Variants in CCDC171 observed in about 807,000 individuals in gnomAD.
The protein encoded by CCDC171 is coiled-coil domain containing 171, also known as coiled-coil domain-containing protein 171.
Under a neutral mutation model 168.2 loss-of-function variants are expected in CCDC171, and 177 were observed. That is an observed-to-expected ratio of 1.05 (90% CI 0.93 to 1.19). The LOEUF (loss-of-function observed/expected upper bound fraction) is 1.19, where lower values mean the gene tolerates loss of function less well. Ranked by LOEUF, CCDC171 falls within the 50% of genes most tolerant of loss-of-function variation. The pLI, the probability that CCDC171 is intolerant of heterozygous loss-of-function variation, is 0.00. For missense variants in CCDC171, 1,991 were observed against 1,539.0 expected (o/e 1.29, Z -4.91); for synonymous variants, 687 against 540.8 (o/e 1.27, Z -3.75).
chr9:15,799,967 T>C (rs528034728), intron 21 of CCDC171, among the ~76,000 whole-genome samples: 2 of 152,288 alleles, frequency 1.3e-5, no homozygotes, highest in African/African-American at 4.8e-5. Flanking sequence ...TTCTCTCTTA[T>C]GGCTGCGTAA....
At chr9:15,709,216 G>A (rs1303075926) in intron 11 of CCDC171, among the ~76,000 whole-genome samples, 1 of 152,086 alleles carries the variant, frequency 6.6e-6, no homozygotes, top group African/African-American at 2.4e-5. Context: ...CTCCTACTCC[G>A]AAAAAACCCA....
intron 13 of CCDC171, 120 bp from the exon 14 acceptor site, chr9:15,724,656 G>A: frequency 1.6e-6 from 1 of 642,598 alleles, no homozygotes; most frequent in Non-Finnish European, 2.8e-6. Flanking sequence ...ATGCTTGCCT[G>A]CCTTTGTGAT....
At chr9:15,575,812 A>C (rs768424178) in intron 3 of CCDC171, among the ~76,000 whole-genome samples, 6 of 152,136 alleles carry the variant, frequency 3.9e-5, no homozygotes, top group Non-Finnish European at 8.8e-5. Flanking sequence ...TAGTTACAGG[A>C]TGGGTGCCAT....
chr9:15,907,703 C>G (rs1348974312), intron 24 of CCDC171, among the ~76,000 whole-genome samples: 1 of 152,118 alleles, frequency 6.6e-6, no homozygotes, highest in Non-Finnish European at 1.5e-5. Flanking sequence ...AAAGAAACTA[C>G]CATCAGAGTG....
intron 6 of CCDC171, among the ~76,000 whole-genome samples, chr9:15,618,317 A>C (rs1345525934): frequency 6.6e-5 from 10 of 152,164 alleles, no homozygotes; most frequent in African/African-American, 2.4e-4. Flanking sequence ...CCTTAGCACT[A>C]TCAGGAGAAA....
intron 24 of CCDC171, among the ~76,000 whole-genome samples, chr9:15,877,741 G>C (rs1439884462): frequency 6.6e-6 from 1 of 152,022 alleles, no homozygotes; most frequent in African/African-American, 2.4e-5. Flanking sequence ...TGAATGCAGA[G>C]AACTTTGCAA....
At chr9:15,666,446 C>A in intron 9 of CCDC171, 123 bp downstream of exon 9, 1 of 609,830 alleles carries the variant, frequency 1.6e-6, no homozygotes, top group Non-Finnish European at 2.7e-6. Context: ...TAGACTGGGG[C>A]AAGTGACTTC....
At chr9:15,805,192 A>G (rs1419991514) in intron 21 of CCDC171, among the ~76,000 whole-genome samples, 1 of 152,082 alleles carries the variant, frequency 6.6e-6, no homozygotes. Flanking sequence ...TCAAAAAGCC[A>G]ACTCCTGGAT....
chr9:16,040,678 G>A (rs929495077), upstream of CCDC171, among the ~76,000 whole-genome samples: 8 of 152,190 alleles, frequency 5.3e-5, no homozygotes, highest in Admixed American at 2.6e-4. Context: ...TATAGGGAAT[G>A]CCTTGTTTTC....
chr9:15,849,794 T>C (rs530431810), intron 23 of CCDC171, among the ~76,000 whole-genome samples: 1 of 151,976 alleles, frequency 6.6e-6, no homozygotes, highest in East Asian at 1.9e-4. Context: ...TATAAGTCAC[T>C]TAAAATACCC....
At chr9:15,867,784 T>C (rs975093417) in intron 23 of CCDC171, among the ~76,000 whole-genome samples, 13 of 152,228 alleles carry the variant, frequency 8.5e-5, no homozygotes, top group Admixed American at 2.6e-4. Flanking sequence ...TCCTTTAAAA[T>C]AATTTATCTT....
At chr9:15,595,702 A>C (rs956753865) in intron 6 of CCDC171, among the ~76,000 whole-genome samples, 5 of 152,216 alleles carry the variant, frequency 3.3e-5, no homozygotes, top group African/African-American at 1.2e-4. Flanking sequence ...TTCTAGTTCT[A>C]GATCCCTGAG....
intron 16 of CCDC171, among the ~76,000 whole-genome samples, chr9:15,734,869 A>G (rs1293657643): frequency 2.0e-5 from 3 of 152,208 alleles, no homozygotes; most frequent in African/African-American, 7.2e-5. Context: ...ATTGTGAGTT[A>G]TAGAGGATGT....
the CCDC171 span, among the ~76,000 whole-genome samples, chr9:16,090,985 C>T: frequency 6.6e-6 from 1 of 152,184 alleles, no homozygotes; most frequent in African/African-American, 2.4e-5. Flanking sequence ...TTTTCTTGTT[C>T]TGCAGTTCTC....
At chr9:15,751,468 A>G (rs1331786632) in intron 18 of CCDC171, among the ~76,000 whole-genome samples, 1 of 152,222 alleles carries the variant, frequency 6.6e-6, no homozygotes, top group Non-Finnish European at 1.5e-5. Context: ...CATAGCCAAG[A>G]CAATCCTAAG....
intron 7 of CCDC171, among the ~76,000 whole-genome samples, chr9:15,649,910 A>G (rs2047369470): frequency 6.6e-6 from 1 of 152,230 alleles, no homozygotes; most frequent in Non-Finnish European, 1.5e-5. Flanking sequence ...TATACACCCA[A>G]AGGATTATAA....
At chr9:15,656,278 C>T (rs942656359) in intron 7 of CCDC171, among the ~76,000 whole-genome samples, 8 of 151,248 alleles carry the variant, frequency 5.3e-5, no homozygotes, top group African/African-American at 1.5e-4. Flanking sequence ...GCCTAGATGG[C>T]GCCACTGCAT....
the CCDC171 span, among the ~76,000 whole-genome samples, chr9:16,106,220 T>C: frequency 6.6e-6 from 1 of 152,244 alleles, no homozygotes; most frequent in Non-Finnish European, 1.5e-5. Flanking sequence ...CTCCATGTTT[T>C]TGTGGCTTGG....
At chr9:15,646,371 A>G (rs532018215) in intron 7 of CCDC171, among the ~76,000 whole-genome samples, 2 of 152,350 alleles carry the variant, frequency 1.3e-5, no homozygotes, top group African/African-American at 2.4e-5. Context: ...AGCTAACATC[A>G]TAATGACAGG....
Sources: gnomAD v4.1 joint callset for allele counts (sites outside exome capture counted in the v4.1 genomes callset) on GRCh38, gnomAD v4.1.1 for gene constraint, MANE v1.5 for transcripts, NCBI Gene and HGNC (gene_info 2026-07-23, HGNC 2026-07-21) for gene names.